Variants in MBD2 observed in about 807,000 individuals in gnomAD.
MBD2 encodes the protein methyl-CpG binding domain protein 2.
Under a neutral mutation model 39.3 loss-of-function variants are expected in MBD2, and 9 were observed. The observed-to-expected ratio is 0.23, with a 90% CI of 0.14 to 0.40. The LOEUF is 0.40. Among genes scored for constraint, MBD2 ranks in the 10% least tolerant of loss-of-function variants. MBD2 has a pLI of 1.00. For missense variants in MBD2, 458 were observed against 532.6 expected, an observed-to-expected ratio of 0.86 and a Z score of 1.38; for synonymous variants, 233 against 211.1, an observed-to-expected ratio of 1.10 and a Z score of -0.90.
chr18:54,157,389 T>C (rs1033588999), intron 6 of MBD2, among the ~76,000 whole-genome samples: 1 of 151,982 alleles, frequency 6.6e-6, no homozygotes, highest in African/African-American at 2.4e-5. Context: ...GCCTCTCAAG[T>C]AGTTGGGATT....
intron 3 of MBD2, among the ~76,000 whole-genome samples, chr18:54,180,332 G>T (rs990186839): frequency 5.3e-5 from 8 of 152,144 alleles, no homozygotes; most frequent in African/African-American, 1.7e-4. Flanking sequence ...ATCAGAAAAG[G>T]TTAACTATAA....
chr18:54,190,761 A>G (rs1208742746), intron 2 of MBD2, among the ~76,000 whole-genome samples: 1 of 152,208 alleles, frequency 6.6e-6, no homozygotes, highest in Non-Finnish European at 1.5e-5. Flanking sequence ...TATCAACAAC[A>G]TTAAGTGAGG....
intron 1 of MBD2, among the ~76,000 whole-genome samples, chr18:54,212,352 A>G (rs1449921285): frequency 1.3e-5 from 2 of 152,138 alleles, no homozygotes; most frequent in Admixed American, 6.5e-5. Context: ...ATTATTGCCT[A>G]TGTTAGGCAA....
rs770036079 is a variant in MBD2, at chr18:54,224,011, G to A, written c.542+7C>T. ...CCGCCACCCCCTCCCCGCCCCCAGGGAGGTACCTGAAGTAGTAGACATCGC... is the reference window on the plus strand; with the variant it reads ...CCGCCACCCCCTCCCCGCCCCCAGGAAGGTACCTGAAGTAGTAGACATCGC... On this transcript the variant is annotated splice_region_variant and intron_variant, in intron 1 of 6. Transcript: ENST00000256429. 6.3e-7 allele frequency: 1 copy of A among 1,598,836 alleles called. No homozygotes were observed. The highest frequency in any genetic ancestry group is 2.3e-5 in the East Asian group (1 of 43,144).
chr18:54,168,613 T>TTGTGTGTG (rs60604906), intron 3 of MBD2, among the ~76,000 whole-genome samples: 29 of 117,168 alleles, frequency 2.5e-4, no homozygotes, highest in Admixed American at 5.3e-4. Context: ...GTATGCATAT[T>TTGTGTGTG]TGTGTGTGTG....
At chr18:54,197,406 C>T (rs573061746) in intron 2 of MBD2, among the ~76,000 whole-genome samples, 2 of 152,346 alleles carry the variant, frequency 1.3e-5, no homozygotes, top group South Asian at 4.1e-4. Flanking sequence ...GCCAACCTGG[C>T]CTTTTTGTCT....
chr18:54,160,534 C>T (rs1169269048), intron 5 of MBD2, among the ~76,000 whole-genome samples: 1 of 150,636 alleles, frequency 6.6e-6, no homozygotes, highest in Non-Finnish European at 1.5e-5. Flanking sequence ...CTCTGTGTCT[C>T]GGTGATTACA....
At position 54,224,508 on chromosome 18, in the gene MBD2, C is replaced by G; in HGVS notation, c.52G>C (p.Glu18Gln). ...GCGCCGCTGCCGCCCGCCGCACTCTCCCCCTCCTCCTGCTCCGGGCAGCAG... is the reference window on the plus strand; with the variant it reads ...GCGCCGCTGCCGCCCGCCGCACTCTGCCCCTCCTCCTGCTCCGGGCAGCAG... Reference protein sequence around the residue: ...GRCCPEQEEGESAAGGSGAGG... With the variant: ...GRCCPEQEEGQSAAGGSGAGG... Residue 18 changes from glutamate (E) to glutamine (Q), a missense_variant, in exon 1 of 7, where the codon GAG (glutamate) becomes CAG (glutamine). Physicochemically the swap from Glu to Gln is conservative, Grantham distance 29. Transcript: ENST00000256429. 2 of 1,235,526 alleles carry G rather than the reference C, an allele frequency of 1.6e-6. No individual in the cohort carries two copies. The highest frequency in any genetic ancestry group is 1.0e-6 in the Non-Finnish European group (1 of 990,882). 76.5% of individuals were successfully genotyped at this position (1,235,526 alleles called of 1,614,324 possible). A position where few individuals can be genotyped will look rare whatever the true frequency, so the allele number is the denominator to read the frequency against.
intron 1 of MBD2, among the ~76,000 whole-genome samples, chr18:54,211,568 T>G (rs1396071780): frequency 6.6e-6 from 1 of 152,124 alleles, no homozygotes; most frequent in African/African-American, 2.4e-5. Flanking sequence ...TTTTATCTGC[T>G]CTTATTTTAT....
rs770638917 is a variant in MBD2, at chr18:54,224,171, G to A, written c.389C>T (p.Pro130Leu). ...GAPRREPVPF[P>L]SGSAGPGPRG... ...GGGCCCCGGCCCCGCGCTCCCCGACGGGAAAGGGACCGGCTCCCGCCGGGG... is the reference window on the plus strand; with the variant it reads ...GGGCCCCGGCCCCGCGCTCCCCGACAGGAAAGGGACCGGCTCCCGCCGGGG... Residue 130 changes from proline to leucine, a missense_variant, in exon 1 of 7, where the codon CCG becomes CTG. Pro to Leu is a moderately conservative substitution (Grantham distance 98, BLOSUM62 -3). Coordinates refer to ENST00000256429, the MANE Select transcript of MBD2 (RefSeq NM_003927.5). The A allele has an allele frequency of 3.5e-5, 49 of 1,405,622 alleles. No individual in the cohort carries two copies. Among genetic ancestry groups the A allele is most frequent in the South Asian group, 7.6e-5 (5 of 65,634 alleles). The allele number at this position is 1,405,622 out of a possible 1,614,324, so 87.1% of individuals were successfully genotyped here.
At chr18:54,211,206 CACTT>C (rs1477230932) in intron 1 of MBD2, among the ~76,000 whole-genome samples, 1 of 152,022 alleles carries the variant, frequency 6.6e-6, no homozygotes, top group Non-Finnish European at 1.5e-5. Context: ...TAAATGTTAA[CACTT>C]ACTTCTCACT....
At chr18:54,160,051 C>G in intron 5 of MBD2, 148 bp from the exon 6 acceptor site, 1 of 835,930 alleles carries the variant, frequency 1.2e-6, no homozygotes, top group Non-Finnish European at 1.8e-6. Flanking sequence ...GTTGCTTCTA[C>G]ACACAAATCA....
intron 3 of MBD2, among the ~76,000 whole-genome samples, chr18:54,175,389 T>A (rs924699298): frequency 6.6e-6 from 1 of 152,178 alleles, no homozygotes; most frequent in African/African-American, 2.4e-5. Context: ...ACCTCAGATC[T>A]CCTCCTATTT....
intron 2 of MBD2, among the ~76,000 whole-genome samples, chr18:54,195,606 T>C (rs1333291299): frequency 1.3e-5 from 2 of 151,994 alleles, no homozygotes; most frequent in African/African-American, 4.8e-5. Flanking sequence ...ATGCATGTTA[T>C]GCTGCTGCTG....
intron 2 of MBD2, among the ~76,000 whole-genome samples, chr18:54,189,633 C>CA (rs955538006): frequency 6.6e-5 from 10 of 151,716 alleles, no homozygotes; most frequent in Non-Finnish European, 8.8e-5. Flanking sequence ...TTGGTTTATC[C>CA]AAAAAAAGAA....
At position 54,224,221 on chromosome 18, in the gene MBD2, G is replaced by T. The variant is rs532678502; in HGVS notation, c.339C>A (p.Gly113=). 1.4e-5 allele frequency: 15 copies of T among 1,050,462 alleles called. No homozygotes were observed. Among genetic ancestry groups the T allele is most frequent in the Admixed American group, 5.6e-5 (1 of 17,858 alleles). 65.1% of individuals were successfully genotyped at this position (1,050,462 alleles called of 1,614,324 possible). The part of the protein sequence containing the change: ...GLGGDGGGCG[G]GGSGGGGAPR... ...GGGCGCCGCCGCCACCGCTGCCGCC[G>T]CCGCCGCAGCCGCCGCCGTCGCCGC... is the stretch of plus-strand genomic sequence containing the variant. Residue 113 remains glycine, a synonymous_variant, in exon 1 of 7, where the codon GGC becomes GGA. Coordinates refer to ENST00000256429, the MANE Select transcript of MBD2 (RefSeq NM_003927.5).
chr18:54,209,698 G>C (rs538787526), intron 1 of MBD2, among the ~76,000 whole-genome samples: 2 of 152,344 alleles, frequency 1.3e-5, no homozygotes, highest in African/African-American at 2.4e-5. Context: ...AGCAAACATG[G>C]AGGAGGGCAA....
chr18:54,211,431 G>A (rs1047830399), intron 1 of MBD2, among the ~76,000 whole-genome samples: 4 of 138,032 alleles, frequency 2.9e-5, no homozygotes, highest in Non-Finnish European at 4.8e-5. Context: ...ACGCAAGCAC[G>A]CACGAGAAAA....
chr18:54,179,897 C>CA (rs34234339), intron 3 of MBD2, among the ~76,000 whole-genome samples: 2 of 150,072 alleles, frequency 1.3e-5, no homozygotes, highest in African/African-American at 2.5e-5. Context: ...AGAAAAAGGA[C>CA]AAAAAAATCA....
Sources: allele counts gnomAD v4.1 joint callset (sites outside exome capture counted in the v4.1 genomes callset), GRCh38; gene constraint gnomAD v4.1.1; transcripts MANE v1.5; gene names NCBI Gene and HGNC (gene_info 2026-07-23, HGNC 2026-07-21).